Variants in KCP observed in about 807,000 individuals in gnomAD.
KCP encodes kielin cysteine rich BMP regulator.
A neutral mutation model predicts 212.7 loss-of-function variants in KCP; 194 were observed. The observed-to-expected ratio is 0.91, with a 90% CI of 0.81 to 1.03. The LOEUF is 1.03. KCP is among the 50% of genes least tolerant of loss of function. The probability of loss-of-function intolerance (pLI) is 0.00; values close to 1 mark genes in which losing one functional copy is unlikely to be tolerated. For missense variants in KCP, 2,080 were observed against 2,162.5 expected (o/e 0.96, Z 0.76); for synonymous variants, 833 against 865.3 (o/e 0.96, Z 0.65).
chr7:128,897,204 T>G (rs956141029), intron 8 of KCP, among the ~76,000 whole-genome samples: 1 of 152,218 alleles, frequency 6.6e-6, no homozygotes, highest in Non-Finnish European at 1.5e-5. Flanking sequence ...TACCTTAGAA[T>G]AGAACACAGG....
Position 128,880,457 on chromosome 7 carries a change from T to A in KCP, c.3688A>T (p.Thr1230Ser). Residue 1230 changes from threonine to serine, a missense_variant, in exon 34 of 40, where the codon ACC becomes TCC. By Grantham distance (58) the Thr-to-Ser change is moderately conservative (BLOSUM62 1). Coordinates refer to ENST00000610776, the MANE Select transcript of KCP (RefSeq NM_001366122.1). The stretch of plus-strand genomic sequence containing the variant: ...GTGCCCGCCATGCAGGAGCAGCTGG[T>A]GCAGGTGTCCACAGTCCAGCGCTCT... The part of the protein sequence containing the change: ...SGERWTVDTC[T>S]SCSCMAGTVR... 1 of 1,547,454 alleles carries A rather than the reference T, an allele frequency of 6.5e-7. No individual in the cohort carries two copies. The highest frequency in any genetic ancestry group is 8.7e-7 in the Non-Finnish European group (1 of 1,145,180).
intron 16 of KCP, 90 bp from the exon 17 acceptor site, chr7:128,891,909 T>C (rs1794173625): frequency 1.0e-6 from 1 of 960,062 alleles, no homozygotes; most frequent in Non-Finnish European, 1.5e-6. Flanking sequence ...AAGTGCCCAC[T>C]TGGAAGCTGA....
Position 128,892,536 on chromosome 7 carries a change from G to T in KCP, c.1599C>A (p.Gly533=). 6.5e-7 allele frequency: 1 copy of T among 1,543,556 alleles called. No homozygotes were observed. Residue 533 remains glycine (G), a synonymous_variant, in exon 16 of 40, where the codon GGC becomes GGA. Transcript: ENST00000610776. ...TACCTGGGCACCTGGGGCAACACTG[G>T]CCTGGTCCACTCTGGGGCCTGGCAC... ...TTCARPQSGP[G]QCCPRCPDCI... is the part of the protein sequence containing the mutation.
At chr7:128,910,380 G>T (rs1055517315) in intron 1 of KCP, among the ~76,000 whole-genome samples, 1 of 152,242 alleles carries the variant, frequency 6.6e-6, no homozygotes, top group Non-Finnish European at 1.5e-5. Context: ...GCCGCCGGCT[G>T]CAGGAACCGC....
At position 128,903,727 on chromosome 7, in the gene KCP, C is replaced by T; in HGVS notation, c.748G>A (p.Gly250Ser). 6.5e-7 allele frequency: 1 copy of T among 1,548,302 alleles called. No individual in the cohort carries two copies. Among genetic ancestry groups the T allele is most frequent in the Non-Finnish European group, 8.7e-7 (1 of 1,145,508 alleles). Residue 250 changes from glycine to serine, a missense_variant and splice_region_variant, in exon 7 of 40, where the codon GGC becomes AGC. By Grantham distance (56) the Gly-to-Ser change is moderately conservative. Transcript: ENST00000610776. ...CCAGGGAGGGGCCAGGGGCTCTCAC[C>T]TTGGCAGGTTGGGCAGCAGTGCCCA... The part of the protein sequence containing the change: ...RPGHCCPTCQ[G>S]CTEGGSHWEH...
chr7:128,898,502 C>T (rs535717162), intron 8 of KCP, among the ~76,000 whole-genome samples: 7 of 152,352 alleles, frequency 4.6e-5, no homozygotes, highest in African/African-American at 1.4e-4. Flanking sequence ...CTAGGCTCCA[C>T]ACCTAGTACA....
chr7:128,892,429 C>CCT, intron 16 of KCP, 85 bp downstream of exon 16: 1 of 1,004,742 alleles, frequency 1.0e-6, no homozygotes, highest in South Asian at 1.7e-5. Flanking sequence ...CCATTGCTTT[C>CCT]TAAGGTACCT....
intron 2 of KCP, 27 bp downstream of exon 2, chr7:128,908,399 T>A: frequency 1.3e-6 from 2 of 1,542,150 alleles, no homozygotes; most frequent in Non-Finnish European, 1.8e-6. Context: ...CCTTACCCAA[T>A]GCAAACCAGC....
Position 128,884,784 on chromosome 7 carries a change from G to A in KCP, c.3120C>T (p.Cys1040=), listed in dbSNP as rs570615867. 1.9e-5 allele frequency: 30 copies of A among 1,550,872 alleles called. No homozygotes were observed. Among genetic ancestry groups the A allele is most frequent in the Non-Finnish European group, 2.3e-5 (26 of 1,146,916 alleles). The change falls in exon 28 of 40, where the codon TGC becomes TGT. Residue 1040 remains cysteine (C), a synonymous_variant. Transcript: ENST00000610776. ...CCACCACTGTGCCCTCACCTACCTC[G>A]CAGATGCACACTTCACAGGGGTCTG... ...PGADPCEVCI[C]EPQPEGPPSL...
chr7:128,899,873 A>AGTAAGGAATC (rs1794748669), intron 8 of KCP, among the ~76,000 whole-genome samples: 1 of 131,370 alleles, frequency 7.6e-6, no homozygotes, highest in African/African-American at 4.3e-5. Flanking sequence ...TAAGGAATCA[A>AGTAAGGAATC]ATTTGACTTG....
intron 31 of KCP, among the ~76,000 whole-genome samples, chr7:128,881,380 GC>G (rs1265137573): frequency 2.0e-5 from 3 of 152,190 alleles, no homozygotes; most frequent in Non-Finnish European, 4.4e-5. Context: ...GGGATCCTGA[GC>G]CCCCTGACAG....
At chr7:128,904,512 T>A in intron 5 of KCP, 1 of 712,628 alleles carries the variant, frequency 1.4e-6, no homozygotes, top group Non-Finnish European at 2.3e-6. Context: ...TCTGCAGGCC[T>A]AGCAGGCTTC....
intron 27 of KCP, 84 bp from the exon 28 acceptor site, chr7:128,884,947 C>T: frequency 1.3e-6 from 2 of 1,495,614 alleles, no homozygotes; most frequent in Non-Finnish European, 1.8e-6. Context: ...TATCTCCAGC[C>T]TCCCCCTGAT....
At position 128,886,463 on chromosome 7, in the gene KCP, C is replaced by A; in HGVS notation, c.2866+1G>T. On this transcript the variant is annotated splice_donor_variant, in intron 26 of 39. Transcript: ENST00000610776. LOFTEE classifies it high-confidence loss of function. ...AGGGGTAGGGCTACAGGCGGCCATA[C>A]CTCTGCAGCGAGGGCAGCAGCTCCC... is the stretch of plus-strand genomic sequence containing the variant. The A allele has an allele frequency of 1.9e-6, 3 of 1,547,784 alleles. No homozygotes were observed. The highest frequency in any genetic ancestry group is 2.6e-6 in the Non-Finnish European group (3 of 1,145,188).
chr7:128,892,280 G>A (rs1484022948), intron 16 of KCP, among the ~76,000 whole-genome samples: 1 of 152,108 alleles, frequency 6.6e-6, no homozygotes, highest in African/African-American at 2.4e-5. Context: ...GTTACTAGAA[G>A]AGGAAATGGA....
intron 28 of KCP, among the ~76,000 whole-genome samples, chr7:128,884,532 C>T (rs896646539): frequency 1.8e-4 from 27 of 152,322 alleles, no homozygotes; most frequent in Non-Finnish European, 1.2e-4. Flanking sequence ...CATACACACC[C>T]GCCCTGCACT....
intron 8 of KCP, 54 bp from the exon 9 acceptor site, chr7:128,894,347 GA>G: frequency 7.4e-7 from 1 of 1,346,370 alleles, no homozygotes; most frequent in Non-Finnish European, 1.0e-6. Context: ...CTGAGAGGTG[GA>G]AATGGCATTA....
intron 11 of KCP, 144 bp downstream of exon 11, chr7:128,893,662 G>T: frequency 1.9e-6 from 2 of 1,028,614 alleles, no homozygotes; most frequent in Non-Finnish European, 2.8e-6. Context: ...CATGGTGCCA[G>T]TTTGCCATGA....
chr7:128,893,593 G>C (rs1794321348), intron 11 of KCP, 117 bp from the exon 12 acceptor site: 2 of 994,988 alleles, frequency 2.0e-6, no homozygotes, highest in African/African-American at 3.2e-5. Flanking sequence ...AGTTCTCCAG[G>C]GCGCCCTGCC....
Sources: gnomAD v4.1 joint callset for allele counts (sites outside exome capture counted in the v4.1 genomes callset) on GRCh38, gnomAD v4.1.1 for gene constraint, MANE v1.5 for transcripts, NCBI Gene and HGNC (gene_info 2026-07-23, HGNC 2026-07-21) for gene names.